IL1RAP: variants seen among roughly 807,000 people sequenced by gnomAD.
The protein encoded by IL1RAP is interleukin 1 receptor accessory protein.
IL1RAP carries 35 observed loss-of-function variants against 60.7 expected under a neutral mutation model. That is an observed-to-expected ratio of 0.58 (90% CI 0.44 to 0.76). IL1RAP has a LOEUF of 0.76. Among genes scored for constraint, IL1RAP ranks in the 30% least tolerant of loss-of-function variants. The pLI, the probability that IL1RAP is intolerant of heterozygous loss-of-function variation, is 0.00. For synonymous variants in IL1RAP, 268 were observed against 250.9 expected (o/e 1.07, Z -0.64); for missense variants, 572 against 693.9 (o/e 0.82, Z 1.97).
At chr3:190,534,893 A>G (rs1051260659) in intron 1 of IL1RAP, among the ~76,000 whole-genome samples, 1 of 150,570 alleles carries the variant, frequency 6.6e-6, no homozygotes, top group African/African-American at 2.5e-5. Flanking sequence ...TCCGGATAAG[A>G]AGATAAAGTG....
At chr3:190,655,624 G>A (rs1734592510), downstream of IL1RAP, among the ~76,000 whole-genome samples, 1 of 147,280 alleles carries the variant, frequency 6.8e-6, no homozygotes, top group Non-Finnish European at 1.5e-5. Flanking sequence ...AAGACTTATT[G>A]AAGAAGGAGA....
In IL1RAP at chr3:190,651,265, A is replaced by C. The variant is rs559931509; in HGVS notation, c.*2560A>C. On this transcript the variant is annotated 3_prime_UTR_variant, in exon 12 of 12. Coordinates refer to ENST00000447382, the MANE Select transcript of IL1RAP (RefSeq NM_002182.4). ...GATATATAGAGTGTCTAATTACAAA[A>C]TCATATACGATTTATTTAATTCTCT... The C allele has an allele frequency of 2.1e-6, 2 of 965,748 alleles. No homozygotes were observed. Among genetic ancestry groups the C allele is most frequent in the African/African-American group, 3.5e-5 (2 of 56,858 alleles). The allele number at this position is 965,748 out of a possible 1,614,324, so 59.8% of individuals were successfully genotyped here. A position where few individuals can be genotyped will look rare whatever the true frequency, so the allele number is the denominator to read the frequency against.
At chr3:190,581,714 A>G (rs1298657919) in intron 3 of IL1RAP, among the ~76,000 whole-genome samples, 1 of 152,112 alleles carries the variant, frequency 6.6e-6, no homozygotes, top group East Asian at 1.9e-4. Context: ...TTATTTTTCT[A>G]TTGTATTTTT....
chr3:190,649,032 G>C lies in IL1RAP; in HGVS notation c.*327G>C, dbSNP rs1475270904. On this transcript the variant is annotated 3_prime_UTR_variant, in exon 12 of 12. Transcript: ENST00000447382. ...ATTCTTTTTAAAATCTTAACATATGGAGCAGCCTTTCCTATGAATTTAAAT... is the reference window on the plus strand; with the variant it reads ...ATTCTTTTTAAAATCTTAACATATGCAGCAGCCTTTCCTATGAATTTAAAT... 2.9e-6 allele frequency: 3 copies of C among 1,020,504 alleles called. No homozygotes were observed. In the East Asian group the frequency reaches 2.8e-4, roughly 94 times the overall value. 63.2% of individuals were successfully genotyped at this position (1,020,504 alleles called of 1,614,324 possible). A position where few individuals can be genotyped will look rare whatever the true frequency, so the allele number is the denominator to read the frequency against.
intron 1 of IL1RAP, among the ~76,000 whole-genome samples, chr3:190,541,997 A>G (rs756082636): frequency 2.0e-5 from 3 of 152,178 alleles, no homozygotes; most frequent in Non-Finnish European, 4.4e-5. Flanking sequence ...ATGCCACACT[A>G]ATTATAAATA....
intron 1 of IL1RAP, among the ~76,000 whole-genome samples, chr3:190,540,893 C>T (rs901276798): frequency 7.9e-5 from 12 of 152,082 alleles, no homozygotes; most frequent in African/African-American, 2.7e-4. Flanking sequence ...CCATTACATA[C>T]GTGTTTTCAA....
chr3:190,543,840 T>A (rs991731825), intron 1 of IL1RAP, among the ~76,000 whole-genome samples: 1 of 152,174 alleles, frequency 6.6e-6, no homozygotes, highest in African/African-American at 2.4e-5. Context: ...ATCAGGGAAG[T>A]AGCACTAGGA....
intron 1 of IL1RAP, among the ~76,000 whole-genome samples, chr3:190,533,313 C>A (rs1723149725): frequency 6.6e-6 from 1 of 152,102 alleles, no homozygotes; most frequent in Admixed American, 6.5e-5. Flanking sequence ...GCCTAGACAT[C>A]TAGTTGGCAA....
At position 190,651,237 on chromosome 3, in the gene IL1RAP, T is replaced by A. The variant is rs1734379779; in HGVS notation, c.*2532T>A. ...TTCCATGCCCAGGTTAACAAAGAACTGTGATATATAGAGTGTCTAATTACA... is the reference window on the plus strand; with the variant it reads ...TTCCATGCCCAGGTTAACAAAGAACAGTGATATATAGAGTGTCTAATTACA... On this transcript the variant is annotated 3_prime_UTR_variant, in exon 12 of 12. Transcript: ENST00000447382. 3.1e-6 allele frequency: 3 copies of A among 978,116 alleles called. No individual in the cohort carries two copies. The highest frequency in any genetic ancestry group is 3.6e-6 in the Non-Finnish European group (3 of 823,412). The allele number at this position is 978,116 out of a possible 1,614,324, so 60.6% of individuals were successfully genotyped here. A position where few individuals can be genotyped will look rare whatever the true frequency, so the allele number is the denominator to read the frequency against.
chr3:190,516,684 GTTTA>G (rs1721549940), intron 1 of IL1RAP, among the ~76,000 whole-genome samples: 1 of 152,000 alleles, frequency 6.6e-6, no homozygotes, highest in Admixed American at 6.5e-5. Flanking sequence ...ATATTGAGCA[GTTTA>G]TTTAATCATT....
chr3:190,538,231 G>C (rs1425725763), intron 1 of IL1RAP, among the ~76,000 whole-genome samples: 1 of 152,188 alleles, frequency 6.6e-6, no homozygotes, highest in African/African-American at 2.4e-5. Context: ...CTAAGGAGCA[G>C]CAGCAATAGC....
At chr3:190,570,867 G>A (rs1726860792) in intron 3 of IL1RAP, among the ~76,000 whole-genome samples, 1 of 152,114 alleles carries the variant, frequency 6.6e-6, no homozygotes, top group African/African-American at 2.4e-5. Flanking sequence ...TTTTTTTAAA[G>A]TGCTCTTTAA....
At chr3:190,540,027 C>T (rs2108559420) in intron 1 of IL1RAP, among the ~76,000 whole-genome samples, 1 of 152,116 alleles carries the variant, frequency 6.6e-6, no homozygotes, top group South Asian at 2.1e-4. Context: ...AAACATAATG[C>T]TACTTGTTTC....
chr3:190,605,524 T>C (rs141728765), intron 4 of IL1RAP, among the ~76,000 whole-genome samples: 4 of 152,290 alleles, frequency 2.6e-5, no homozygotes, highest in African/African-American at 7.2e-5. Context: ...GACTTCCTGC[T>C]ATTTAACCGG....
intron 2 of IL1RAP, among the ~76,000 whole-genome samples, chr3:190,560,071 T>G (rs1268321268): frequency 6.6e-6 from 1 of 152,220 alleles, no homozygotes; most frequent in African/African-American, 2.4e-5. Context: ...AACTCTCATG[T>G]CTTACTAAAT....
At chr3:190,610,508 A>G in intron 5 of IL1RAP, among the ~76,000 whole-genome samples, 1 of 152,040 alleles carries the variant, frequency 6.6e-6, no homozygotes, top group South Asian at 2.1e-4. Flanking sequence ...GGGAGAAAAA[A>G]TTAAAATTAA....
In IL1RAP at chr3:190,574,981, C is replaced by T. The variant is rs192847629; in HGVS notation, c.64+10628C>T. Among the ~76,000 whole-genome samples the T allele has an allele frequency of 1.9e-3, 279 of 143,456 alleles. 1 individual carries two copies. Among genetic ancestry groups the T allele is most frequent in the Middle Eastern group, 0.014 (4 of 280 alleles). 94.1% of individuals were successfully genotyped at this position (143,456 alleles called of 152,430 possible). On this transcript the variant is annotated intron_variant, in intron 3 of 11. Coordinates refer to ENST00000447382, the MANE Select transcript of IL1RAP (RefSeq NM_002182.4). ...TTTAATACACAAAGCCTCTTCAGTC[C>T]TAGGGAAATGAGTTTTTTTTTAACA...
intron 1 of IL1RAP, among the ~76,000 whole-genome samples, chr3:190,552,658 C>T (rs1305738558): frequency 6.6e-6 from 1 of 152,024 alleles, no homozygotes; most frequent in Non-Finnish European, 1.5e-5. Flanking sequence ...CCACAAGATC[C>T]TTCATTTGGC....
intron 9 of IL1RAP, among the ~76,000 whole-genome samples, chr3:190,640,720 C>T (rs903689922): frequency 2.0e-5 from 3 of 152,038 alleles, no homozygotes; most frequent in Non-Finnish European, 4.4e-5. Flanking sequence ...AGCAAGAACT[C>T]AAAACAGGGA....
Sources: gnomAD v4.1 joint callset for allele counts (sites outside exome capture counted in the v4.1 genomes callset) on GRCh38, gnomAD v4.1.1 for gene constraint, MANE v1.5 for transcripts, NCBI Gene and HGNC (gene_info 2026-07-23, HGNC 2026-07-21) for gene names.